The following NCEH1 variants were observed in gnomAD, a reference collection of about 807,000 sequenced individuals.
NCEH1 encodes 2-acetyl MAGE hydrolase.
A neutral mutation model predicts 25.4 loss-of-function variants in NCEH1; 9 were observed. That is an observed-to-expected ratio of 0.35 (90% CI 0.21 to 0.62). The LOEUF (loss-of-function observed/expected upper bound fraction) is 0.62, where lower values mean the gene tolerates loss of function less well. Ranked by LOEUF, NCEH1 falls within the 20% of genes least tolerant of loss-of-function variation. The pLI is 0.72. For synonymous variants in NCEH1, 200 were observed against 199.8 expected, an observed-to-expected ratio of 1.00 and a Z score of -0.01; for missense variants, 412 against 501.1, an observed-to-expected ratio of 0.82 and a Z score of 1.70.
chr3:172,657,127 G>A (rs1322826463), intron 1 of NCEH1, among the ~76,000 whole-genome samples: 2 of 151,714 alleles, frequency 1.3e-5, no homozygotes, highest in South Asian at 2.1e-4. Flanking sequence ...TATTTCATTC[G>A]ACTTCACAAT....
intron 1 of NCEH1, among the ~76,000 whole-genome samples, chr3:172,697,253 T>C (rs535980046): frequency 1.1e-3 from 170 of 152,264 alleles, no homozygotes; most frequent in African/African-American, 3.9e-3. Flanking sequence ...AAGCAAATAC[T>C]GAGGCCATTA....
intron 1 of NCEH1, among the ~76,000 whole-genome samples, chr3:172,665,366 G>A (rs965888006): frequency 6.6e-6 from 1 of 152,118 alleles, no homozygotes; most frequent in Non-Finnish European, 1.5e-5. Flanking sequence ...TGTCTCAGAG[G>A]GGCACCTGGC....
Position 172,660,126 on chromosome 3 carries a change from T to C in NCEH1, c.139-12012A>G, listed in dbSNP as rs553137245. ...TAGGTGTTTCTCCTAATGCTATCCC[T>C]CCCCCCTCCCCACGACAGGCCCCAG... On this transcript the variant is annotated intron_variant, in intron 1 of 4. Transcript: ENST00000475381. 1.6e-3 allele frequency among the ~76,000 whole-genome samples: 193 copies of C among 121,912 alleles called. 2 individuals are homozygous for C. The highest frequency in any genetic ancestry group is 0.015 in the East Asian group (49 of 3,374). 80.0% of individuals were successfully genotyped at this position (121,912 alleles called of 152,430 possible).
chr3:172,672,122 T>C (rs1030364394), intron 1 of NCEH1, among the ~76,000 whole-genome samples: 2 of 152,220 alleles, frequency 1.3e-5, no homozygotes, highest in African/African-American at 2.4e-5. Context: ...TATTTTGCTG[T>C]ACCTTTTCTA....
At chr3:172,707,114 A>G (rs894935697) in intron 1 of NCEH1, among the ~76,000 whole-genome samples, 1 of 151,942 alleles carries the variant, frequency 6.6e-6, no homozygotes, top group Non-Finnish European at 1.5e-5. Flanking sequence ...TCTAACATAC[A>G]TTTTCTCCAG....
Position 172,635,810 on chromosome 3 carries a change from G to A in NCEH1, c.609+106C>T, listed in dbSNP as rs1048934356. 17 of 1,046,520 alleles carry A rather than the reference G, an allele frequency of 1.6e-5. No individual in the cohort carries two copies. In the Admixed American group the frequency reaches 1.9e-4, roughly 12 times the overall value. The allele number at this position is 1,046,520 out of a possible 1,614,324, so 64.8% of individuals were successfully genotyped here. A position where few individuals can be genotyped will look rare whatever the true frequency, so the allele number is the denominator to read the frequency against. On this transcript the variant is annotated intron_variant, in intron 4 of 4. Transcript: ENST00000475381. ...TGAACAATTTGGCCATCTAGTGACC[G>A]GCCCACCCAGCTATGCATTTGCCAC...
At position 172,635,932 on chromosome 3, in the gene NCEH1, G is replaced by C; in HGVS notation, c.593C>G (p.Ala198Gly). The change falls in exon 4 of 5, where the codon GCT (alanine) becomes GGT (glycine). Residue 198 changes from alanine (A) to glycine (G), a missense_variant. Physicochemically the swap from Ala to Gly is moderately conservative, Grantham distance 60. This residue lies in a region of NCEH1 where 210 missense variants were observed against 258.2 expected (regional missense o/e 0.81). Transcript: ENST00000475381. ...SGDSAGGNLA[A>G]ALGQQFTQDA... The stretch of plus-strand genomic sequence containing the variant: ...TGGTGTTACCTGTTGTCCAAGGGCA[G>C]CAGCCAGATTTCCACCAGCACTGTC... 6.2e-7 allele frequency: 1 copy of C among 1,614,130 alleles called. No individual in the cohort carries two copies. The highest frequency in any genetic ancestry group is 8.5e-7 in the Non-Finnish European group (1 of 1,180,004).
In NCEH1 at chr3:172,647,921, T is replaced by A. The variant is rs1383020564; in HGVS notation, c.332A>T (p.Tyr111Phe). 2 of 1,614,204 alleles carry A rather than the reference T, an allele frequency of 1.2e-6. No individual in the cohort carries two copies. Among genetic ancestry groups the A allele is most frequent in the Non-Finnish European group, 1.7e-6 (2 of 1,180,030 alleles). Residue 111 changes from tyrosine (Y) to phenylalanine (F), a missense_variant, in exon 2 of 5, where the codon TAT becomes TTT. By Grantham distance (22) the Tyr-to-Phe change is conservative. Coordinates refer to ENST00000475381, the MANE Select transcript of NCEH1 (RefSeq NM_020792.6). ...PEEPLKRSVV[Y>F]IHGGGWALAS... ...CAAGGCCCAGCCTCCTCCGTGGATA[T>A]AAACGACGCTGCGTTTCAGTGGCTC...
Position 172,633,540 on chromosome 3 carries a change from T to C in NCEH1, c.1162A>G (p.Thr388Ala), listed in dbSNP as rs774825846. 4 of 1,614,034 alleles carry C rather than the reference T, an allele frequency of 2.5e-6. No individual in the cohort carries two copies. In the Admixed American group the frequency reaches 5.0e-5, roughly 20 times the overall value. The change falls in exon 5 of 5, where the codon ACC (threonine) becomes GCC (alanine). Residue 388 changes from threonine to alanine, a missense_variant. Transcript: ENST00000475381. ...HGCMIFTSWPTNFSVGIRTRN... is the reference protein window; with the variant it reads ...HGCMIFTSWPANFSVGIRTRN... ...GTCCGGATTCCCACTGAGAAGTTGGTGGGCCAGCTAGTGAAAATCATACAT... is the reference window on the plus strand; with the variant it reads ...GTCCGGATTCCCACTGAGAAGTTGGCGGGCCAGCTAGTGAAAATCATACAT...
chr3:172,698,430 T>C (rs939998334), intron 1 of NCEH1, among the ~76,000 whole-genome samples: 2 of 152,206 alleles, frequency 1.3e-5, no homozygotes, highest in Admixed American at 1.3e-4. Flanking sequence ...TTGGAAATGA[T>C]GCATATACCA....
At chr3:172,698,262 C>G (rs1713485490) in intron 1 of NCEH1, among the ~76,000 whole-genome samples, 1 of 152,100 alleles carries the variant, frequency 6.6e-6, no homozygotes, top group Non-Finnish European at 1.5e-5. Flanking sequence ...CAGGTGTGAG[C>G]CACTGCACCC....
chr3:172,677,857 G>A (rs1358629176), intron 1 of NCEH1, among the ~76,000 whole-genome samples: 3 of 152,260 alleles, frequency 2.0e-5, no homozygotes, highest in Non-Finnish European at 2.9e-5. Flanking sequence ...GAACCCGGGA[G>A]GCGGAGCCTG....
Position 172,647,992 on chromosome 3 carries a change from A to C in NCEH1, c.261T>G (p.Phe87Leu), listed in dbSNP as rs754674864. Residue 87 changes from phenylalanine (F) to leucine (L), a missense_variant, in exon 2 of 5, where the codon TTT becomes TTG. Phe to Leu is a conservative substitution (Grantham distance 22, BLOSUM62 0). This residue lies in a region of NCEH1 where 178 missense variants were observed against 189.2 expected (regional missense o/e 0.94). Transcript: ENST00000475381. ...SAQVKVTDTD[F>L]DGVEVRVFEG... is the part of the protein sequence containing the mutation. ...CAAACACTCTGACTTCCACACCATC[A>C]AAGTCTGTGTCGGTCACCTTCACTT... 2 of 1,614,158 alleles carry C rather than the reference A, an allele frequency of 1.2e-6. No individual in the cohort carries two copies. Among genetic ancestry groups the C allele is most frequent in the East Asian group, 4.5e-5 (2 of 44,884 alleles).
At chr3:172,689,051 G>C (rs774044145) in intron 1 of NCEH1, among the ~76,000 whole-genome samples, 2 of 152,166 alleles carry the variant, frequency 1.3e-5, no homozygotes, top group Admixed American at 6.5e-5. Context: ...TGTTTTCAGA[G>C]ACTTTGGTTT....
At chr3:172,635,886 C>T (rs777914178) in intron 4 of NCEH1, 30 bp downstream of exon 4, 2 of 1,607,322 alleles carry the variant, frequency 1.2e-6, no homozygotes, top group South Asian at 1.1e-5. Flanking sequence ...CACCGCTTAA[C>T]CCACCAGCAC....
chr3:172,652,182 A>G (rs1717432541), intron 1 of NCEH1, among the ~76,000 whole-genome samples: 1 of 152,244 alleles, frequency 6.6e-6, no homozygotes, highest in Admixed American at 6.5e-5. Context: ...ATGGCCTTAG[A>G]GCCCCAGGCT....
rs188298530 is a variant in NCEH1, at chr3:172,688,279, G to A, written c.138+22568C>T. Among the ~76,000 whole-genome samples, 25 of 130,678 alleles carry A rather than the reference G, an allele frequency of 1.9e-4. 1 individual carries two copies. The highest frequency in any genetic ancestry group is 5.7e-3 in the Middle Eastern group (1 of 174). The allele number at this position is 130,678 out of a possible 152,430, so 85.7% of individuals were successfully genotyped here. On this transcript the variant is annotated intron_variant, in intron 1 of 4. Transcript: ENST00000475381. ...TGGGAGGCGGAGGTTGCAGTGAGCC[G>A]AGATCACGTCACTGCACTCCAGCCT...
At chr3:172,641,016 G>A (rs1716824060) in intron 3 of NCEH1, among the ~76,000 whole-genome samples, 1 of 151,976 alleles carries the variant, frequency 6.6e-6, no homozygotes, top group Non-Finnish European at 1.5e-5. Flanking sequence ...TGTGCTCGAG[G>A]GGAAGGAATG....
intron 1 of NCEH1, among the ~76,000 whole-genome samples, chr3:172,690,638 G>A (rs558917452): frequency 5.0e-4 from 76 of 152,206 alleles, no homozygotes; most frequent in African/African-American, 1.8e-3. Flanking sequence ...ATTTATGGTG[G>A]CAAGTAACTA....
Sources: allele counts gnomAD v4.1 joint callset (sites outside exome capture counted in the v4.1 genomes callset), GRCh38; gene constraint gnomAD v4.1.1; regional missense constraint gnomAD v4.1.1; transcripts MANE v1.5; gene names NCBI Gene and HGNC (gene_info 2026-07-23, HGNC 2026-07-21).